MAPKAPK5: variants seen among roughly 807,000 people sequenced by gnomAD.
The protein encoded by MAPKAPK5 is MAPK activated protein kinase 5.
MAPKAPK5 carries 30 observed loss-of-function variants against 65.1 expected under a neutral mutation model. The observed-to-expected ratio is 0.46, with a 90% CI of 0.34 to 0.63. The LOEUF is 0.63. Among genes scored for constraint, MAPKAPK5 ranks in the 20% least tolerant of loss-of-function variants. The pLI is 0.01. For synonymous variants in MAPKAPK5, 179 were observed against 204.6 expected (o/e 0.87, Z 1.07); for missense variants, 433 against 581.4 (o/e 0.74, Z 2.63).
chr12:111,846,120 T>C (rs2068900552), intron 1 of MAPKAPK5, among the ~76,000 whole-genome samples: 1 of 152,186 alleles, frequency 6.6e-6, no homozygotes, highest in Non-Finnish European at 1.5e-5. Context: ...TTCCAGCCAA[T>C]ACCTATTGGT....
Position 111,871,065 on chromosome 12 carries a change from CCTT to C in MAPKAPK5, c.484-19_484-17del, listed in dbSNP as rs752759305. On this transcript the variant is annotated splice_polypyrimidine_tract_variant and intron_variant, in intron 6 of 13. Transcript: ENST00000550735. ...TACTGAGCACTCTGGAGCAGTGACTCCTTTTTTTTTTAATTTCAGGATGCCCCA... is the reference window on the plus strand; with the variant it reads ...TACTGAGCACTCTGGAGCAGTGACTCTTTTTTTTAATTTCAGGATGCCCCA... The C allele has an allele frequency of 8.8e-6, 14 of 1,590,484 alleles. No individual in the cohort carries two copies. The African/African-American group carries it at 1.9e-4, about 21-fold the overall frequency.
In MAPKAPK5 at chr12:111,866,192, G is replaced by A. The variant is rs773092915; in HGVS notation, c.147G>A (p.Ala49=). ...CVKKSTQERF[A]LKILLDRPKA... is the part of the protein sequence containing the mutation. ...AGAAATCTACTCAAGAACGGTTTGCGCTGAAAATTCTTCTTGATCGTCCAA... is the reference window on the plus strand; with the variant it reads ...AGAAATCTACTCAAGAACGGTTTGCACTGAAAATTCTTCTTGATCGTCCAA... Residue 49 remains alanine, a synonymous_variant, in exon 3 of 14, where the codon GCG becomes GCA. Transcript: ENST00000550735. 15 of 1,612,234 alleles carry A rather than the reference G, an allele frequency of 9.3e-6. No individual in the cohort carries two copies. The highest frequency in any genetic ancestry group is 4.5e-5 in the East Asian group (2 of 44,844).
In MAPKAPK5 at chr12:111,890,142, A is replaced by G. The variant is rs1244333538; in HGVS notation, c.1319A>G (p.Asn440Ser). Residue 440 changes from asparagine (N) to serine (S), a missense_variant and splice_region_variant, in exon 13 of 14, where the codon AAT becomes AGT. Coordinates refer to ENST00000550735, the MANE Select transcript of MAPKAPK5 (RefSeq NM_003668.4). ...LRDTLQSFSW[N>S]GRGFTDKVDR... ...GATACTCTGCAGAGCTTCAGCTGGA[A>G]TGGTAGGAGCCTTCATCAACTCCCT... The G allele has an allele frequency of 5.1e-6, 8 of 1,583,962 alleles. No homozygotes were observed. The highest frequency in any genetic ancestry group is 1.3e-5 in the African/African-American group (1 of 74,362).
At position 111,883,551 on chromosome 12, in the gene MAPKAPK5, G is replaced by C. The variant is rs372526165; in HGVS notation, c.661-30G>C. 3 of 1,604,640 alleles carry C rather than the reference G, an allele frequency of 1.9e-6. No homozygotes were observed. In the African/African-American group the frequency reaches 4.0e-5, roughly 22 times the overall value. Reference sequence around the variant, plus strand: ...TTTATTTGGGGGCTCTGCTTCTGCTGTGAGTGACCATTTTCTTTTTTGCTT... The same window carrying C: ...TTTATTTGGGGGCTCTGCTTCTGCTCTGAGTGACCATTTTCTTTTTTGCTT... On this transcript the variant is annotated intron_variant, in intron 8 of 13. Coordinates refer to ENST00000550735, the MANE Select transcript of MAPKAPK5 (RefSeq NM_003668.4). The surrounding 1 kb of genome is among the most constrained non-coding windows in gnomAD (Gnocchi z 4.8).
intron 6 of MAPKAPK5, 120 bp downstream of exon 6, chr12:111,870,480 GC>G (rs1191963588): frequency 1.6e-6 from 1 of 641,464 alleles, no homozygotes; most frequent in Non-Finnish European, 2.6e-6. Context: ...GCTTCAAACA[GC>G]TTATTTCTTC....
At position 111,893,186 on chromosome 12, in the gene MAPKAPK5, T is replaced by C; in HGVS notation, c.*125T>C. 3.0e-6 allele frequency: 2 copies of C among 664,716 alleles called. No individual in the cohort carries two copies. The highest frequency in any genetic ancestry group is 4.8e-6 in the Non-Finnish European group (2 of 418,358). 41.2% of individuals were successfully genotyped at this position (664,716 alleles called of 1,614,324 possible). A position where few individuals can be genotyped will look rare whatever the true frequency, so the allele number is the denominator to read the frequency against. ...ATTGATTAAAGCTGCTGTATAGATT[T>C]AGGGTGCAGGACTTAATAATAGTAT... On this transcript the variant is annotated 3_prime_UTR_variant, in exon 14 of 14. Coordinates refer to ENST00000550735, the MANE Select transcript of MAPKAPK5 (RefSeq NM_003668.4).
chr12:111,859,335 G>T (rs1593137815), intron 1 of MAPKAPK5, among the ~76,000 whole-genome samples: 1 of 148,978 alleles, frequency 6.7e-6, no homozygotes, highest in Non-Finnish European at 1.5e-5. Context: ...CTGGAGTGCA[G>T]TGGCATGATC....
intron 8 of MAPKAPK5, among the ~76,000 whole-genome samples, chr12:111,882,260 G>T (rs978600572): frequency 1.3e-5 from 2 of 152,178 alleles, no homozygotes; most frequent in African/African-American, 4.8e-5. Context: ...GGCGCCTGTA[G>T]TCCCAGCTGC....
intron 10 of MAPKAPK5, 97 bp downstream of exon 10, chr12:111,886,133 A>G (rs930337566): frequency 4.6e-6 from 7 of 1,532,496 alleles, no homozygotes; most frequent in Middle Eastern, 3.5e-4. Context: ...AACAGTGCAG[A>G]GTACACGATC....
intron 1 of MAPKAPK5, among the ~76,000 whole-genome samples, chr12:111,852,864 C>G (rs547885408): frequency 6.6e-6 from 1 of 152,086 alleles, no homozygotes; most frequent in South Asian, 2.1e-4. Flanking sequence ...ACCTCTGCCT[C>G]CCAGGTTCAA....
At position 111,878,534 on chromosome 12, in the gene MAPKAPK5, C is replaced by T. The variant is rs112896154; in HGVS notation, c.580-1913C>T. ...TCCAGGGTTCAAGCCATTCTCCTGC[C>T]TCAGCCTCCCGAGTAGCAGGGATTA... On this transcript the variant is annotated intron_variant, in intron 7 of 13. Transcript: ENST00000550735. Among the ~76,000 whole-genome samples the T allele has an allele frequency of 9.3e-3, 1,419 of 152,134 alleles. 21 individuals carry two copies. Among genetic ancestry groups the T allele is most frequent in the African/African-American group, 0.032 (1,329 of 41,512 alleles).
At chr12:111,874,075 T>C (rs1359506997) in intron 7 of MAPKAPK5, among the ~76,000 whole-genome samples, 1 of 152,184 alleles carries the variant, frequency 6.6e-6, no homozygotes, top group Non-Finnish European at 1.5e-5. Context: ...TAAATTTTGT[T>C]TTTGGATGCT....
At chr12:111,870,873 G>A (rs867181140) in intron 6 of MAPKAPK5, among the ~76,000 whole-genome samples, 3 of 152,292 alleles carry the variant, frequency 2.0e-5, no homozygotes, top group South Asian at 2.1e-4. Context: ...AGCTGTGTGA[G>A]TGGGTAGGAA....
intron 1 of MAPKAPK5, among the ~76,000 whole-genome samples, chr12:111,859,839 G>T (rs1054591633): frequency 6.6e-6 from 1 of 151,574 alleles, no homozygotes; most frequent in African/African-American, 2.4e-5. Context: ...AGTAGAGACG[G>T]GGTTTCATCA....
intron 1 of MAPKAPK5, among the ~76,000 whole-genome samples, chr12:111,850,562 C>G (rs560800316): frequency 1.3e-5 from 2 of 152,054 alleles, no homozygotes; most frequent in East Asian, 1.9e-4. Flanking sequence ...TTCTGCTGAC[C>G]AAGAGGCGGC....
chr12:111,889,730 T>C (rs979665679), intron 12 of MAPKAPK5: 2 of 251,072 alleles, frequency 8.0e-6, no homozygotes, highest in African/African-American at 2.2e-5. Flanking sequence ...TCTCCCACTT[T>C]TTGGTCTTTG....
chr12:111,861,757 G>C (rs552539150), intron 1 of MAPKAPK5, among the ~76,000 whole-genome samples: 1 of 152,180 alleles, frequency 6.6e-6, no homozygotes, highest in Admixed American at 6.5e-5. Context: ...AATATTTTAG[G>C]TTTTGCGGTC....
intron 1 of MAPKAPK5, among the ~76,000 whole-genome samples, chr12:111,849,230 G>A (rs949011735): frequency 6.6e-6 from 1 of 151,482 alleles, no homozygotes; most frequent in African/African-American, 2.4e-5. Context: ...ACTGCACCTG[G>A]CCAAGAGTTC....
chr12:111,868,959 A>G (rs964583437), intron 5 of MAPKAPK5, 98 bp downstream of exon 5: 12 of 895,284 alleles, frequency 1.3e-5, no homozygotes, highest in African/African-American at 3.4e-5. Flanking sequence ...GAAAAGCTCT[A>G]TTTGACTTCT....
Sources: allele counts gnomAD v4.1 joint callset (sites outside exome capture counted in the v4.1 genomes callset), GRCh38; gene constraint gnomAD v4.1.1; non-coding constraint Gnocchi (gnomAD v3.1); transcripts MANE v1.5; gene names NCBI Gene and HGNC (gene_info 2026-07-23, HGNC 2026-07-21).